Variants in SLC12A9 observed in about 807,000 individuals in gnomAD.
SLC12A9 encodes the protein solute carrier family 12 member 9.
Under a neutral mutation model 66.0 loss-of-function variants are expected in SLC12A9, and 55 were observed. That is an observed-to-expected ratio of 0.83 (90% confidence interval 0.67 to 1.04). The LOEUF (loss-of-function observed/expected upper bound fraction) is 1.04, where lower values mean the gene tolerates loss of function less well. Among genes scored for constraint, SLC12A9 ranks in the 50% least tolerant of loss-of-function variants. The pLI is 0.00. For missense variants in SLC12A9, 1,061 were observed against 1,241.9 expected (o/e 0.85, Z 2.19); for synonymous variants, 577 against 569.0 (o/e 1.01, Z -0.20).
intron 1 of SLC12A9, among the ~76,000 whole-genome samples, chr7:100,837,858 T>TG (rs1813696267): frequency 8.3e-6 from 1 of 120,930 alleles, no homozygotes; most frequent in East Asian, 2.0e-4. Context: ...TCAATTTTTT[T>TG]TTTTTTTTTT....
chr7:100,862,884 C>T lies in SLC12A9; in HGVS notation c.1858+57C>T, dbSNP rs541674670. 6.4e-5 allele frequency: 103 copies of T among 1,601,998 alleles called. No homozygotes were observed. The East Asian group carries it at 1.7e-3, about 26-fold the overall frequency. ...TTCCTCTGTGGCCACTTCAAATCTCCGCTCCCCTCCCCTAGAGAGTCAGCC... is the reference window on the plus strand; with the variant it reads ...TTCCTCTGTGGCCACTTCAAATCTCTGCTCCCCTCCCCTAGAGAGTCAGCC... On this transcript the variant is annotated intron_variant, in intron 13 of 13. Coordinates refer to ENST00000354161, the MANE Select transcript of SLC12A9 (RefSeq NM_020246.4).
chr7:100,832,926 C>T (rs1158958807), intron 1 of SLC12A9, among the ~76,000 whole-genome samples: 2 of 151,976 alleles, frequency 1.3e-5, no homozygotes, highest in Non-Finnish European at 2.9e-5. Context: ...CAGGCGTGTG[C>T]CACCATGCCT....
chr7:100,832,774 CTT>C (rs937017393), intron 1 of SLC12A9, among the ~76,000 whole-genome samples: 1 of 150,962 alleles, frequency 6.6e-6, no homozygotes, highest in East Asian at 1.9e-4. Context: ...GATTTTATAC[CTT>C]TTTTTTTCTT....
chr7:100,849,225 C>G (rs1204228535), upstream of SLC12A9, among the ~76,000 whole-genome samples: 1 of 151,774 alleles, frequency 6.6e-6, no homozygotes, highest in African/African-American at 2.4e-5. Flanking sequence ...CCGTGCCCAG[C>G]CTTCACTTCC....
rs1343104190 is a variant in SLC12A9 at position 100,861,650 on chromosome 7, T to C, written c.1536+66T>C. ...TCAAAGAACCCCCTCTCTCTTTGGC[T>C]GGAGTTGGTGCTCCCGTCCAGGAGG... On this transcript the variant is annotated intron_variant, in intron 11 of 13. Coordinates refer to ENST00000354161, the MANE Select transcript of SLC12A9 (RefSeq NM_020246.4). The surrounding 1 kb of genome is among the most constrained non-coding windows in gnomAD (Gnocchi z 5.3). The C allele has an allele frequency of 6.2e-7, 1 of 1,607,404 alleles. No homozygotes were observed. The highest frequency in any genetic ancestry group is 1.3e-5 in the African/African-American group (1 of 74,690).
chr7:100,863,646 C>T (rs948354393), intron 13 of SLC12A9, among the ~76,000 whole-genome samples: 4 of 152,298 alleles, frequency 2.6e-5, no homozygotes, highest in Non-Finnish European at 4.4e-5. Context: ...CAAAGGATGC[C>T]GGAGGCTGTG....
intron 1 of SLC12A9, among the ~76,000 whole-genome samples, chr7:100,841,843 A>G (rs1400820247): frequency 1.3e-5 from 2 of 152,196 alleles, no homozygotes; most frequent in East Asian, 3.8e-4. Context: ...ATTTCTCAGT[A>G]AAAAGGCACT....
At position 100,826,963 on chromosome 7, in the gene SLC12A9, C is replaced by CG. The variant is rs764115909; in HGVS notation, n.144_145insG. On this transcript the variant is annotated non_coding_transcript_exon_variant, in exon 1 of 2. Transcript: ENST00000461016. ...CAGGAGTGACGGGGTGCGCCCCCCCCCGCAAGGAAACTCACCTTCCAAAGC... is the reference window on the plus strand; with the variant it reads ...CAGGAGTGACGGGGTGCGCCCCCCCCGCGCAAGGAAACTCACCTTCCAAAGC... The CG allele has an allele frequency of 1.3e-5, 19 of 1,517,930 alleles. 1 individual carries two copies. The East Asian group carries it at 3.2e-4, about 26-fold the overall frequency. The allele number at this position is 1,517,930 out of a possible 1,614,324, so 94.0% of individuals were successfully genotyped here. A position where few individuals can be genotyped will look rare whatever the true frequency, so the allele number is the denominator to read the frequency against.
chr7:100,833,067 C>T (rs1463147672), intron 1 of SLC12A9, among the ~76,000 whole-genome samples: 1 of 152,166 alleles, frequency 6.6e-6, no homozygotes, highest in Admixed American at 6.5e-5. Context: ...TGATCCACTG[C>T]ACCTGGCCTG....
At chr7:100,834,651 G>T (rs924687280) in intron 1 of SLC12A9, among the ~76,000 whole-genome samples, 9 of 152,116 alleles carry the variant, frequency 5.9e-5, no homozygotes, top group Admixed American at 2.6e-4. Flanking sequence ...GGAGGACGCA[G>T]CTGGCAGATC....
Position 100,857,148 on chromosome 7 carries a change from C to T in SLC12A9, c.729C>T (p.Asn243=), listed in dbSNP as rs766663203. The change falls in exon 5 of 14, where the codon AAC becomes AAT. Residue 243 remains asparagine (N), a synonymous_variant. Transcript: ENST00000354161. ...GGTTTGGCCACTTCACCGGCTTCAACAGCAGTACCCTGAAGGACAACTTGG... is the reference window on the plus strand; with the variant it reads ...GGTTTGGCCACTTCACCGGCTTCAATAGCAGTACCCTGAAGGACAACTTGG... ...PPRFGHFTGF[N]SSTLKDNLGA... is the part of the protein sequence containing the mutation. 2.0e-5 allele frequency: 33 copies of T among 1,613,530 alleles called. No homozygotes were observed. The highest frequency in any genetic ancestry group is 2.0e-5 in the Non-Finnish European group (24 of 1,179,702).
In SLC12A9 at chr7:100,863,524, C is replaced by T. The variant is rs560039477; in HGVS notation, c.1858+697C>T. Among the ~76,000 whole-genome samples the T allele has an allele frequency of 7.2e-5, 11 of 152,316 alleles. No homozygotes were observed. In the South Asian group the frequency reaches 2.3e-3, roughly 32 times the overall value. On this transcript the variant is annotated intron_variant, in intron 13 of 13. Transcript: ENST00000354161. ...AGGAAGGCAGGCCAGCCACTATACA[C>T]TGATGTGGCCAGCAAAGGTTTTGCG...
rs1815025584 is a variant in SLC12A9, at chr7:100,865,565, C to T, written c.1859-154C>T. The stretch of plus-strand genomic sequence containing the variant: ...TTAGGAAAAATGAAAAGTCTTTATG[C>T]AAATATGCAGAATGTTGCCGTAAGA... On this transcript the variant is annotated intron_variant, in intron 13 of 13. Coordinates refer to ENST00000354161, the MANE Select transcript of SLC12A9 (RefSeq NM_020246.4). 7 of 1,584,090 alleles carry T rather than the reference C, an allele frequency of 4.4e-6. No homozygotes were observed. The South Asian group carries it at 8.0e-5, about 18-fold the overall frequency.
chr7:100,862,234 G>A (rs551469117), intron 12 of SLC12A9, among the ~76,000 whole-genome samples: 1 of 152,038 alleles, frequency 6.6e-6, no homozygotes, highest in Non-Finnish European at 1.5e-5. Flanking sequence ...TGGAATTGTA[G>A]GTGTGAGCCA....
chr7:100,856,014 C>A, intron 4 of SLC12A9, 177 bp downstream of exon 4: 2 of 979,878 alleles, frequency 2.0e-6, no homozygotes, highest in Non-Finnish European at 2.8e-6. Context: ...CTGAGATTGT[C>A]CTTGCCTGCA....
chr7:100,852,190 G>C (rs1294043747), upstream of SLC12A9, among the ~76,000 whole-genome samples: 1 of 152,230 alleles, frequency 6.6e-6, no homozygotes. Context: ...GGCCCAGATC[G>C]GCGGCCAATG....
intron 7 of SLC12A9, chr7:100,859,631 A>G: frequency 2.1e-6 from 1 of 476,896 alleles, no homozygotes; most frequent in Admixed American, 3.8e-5. Context: ...GGATTGCTTG[A>G]GTCCAAGAGG....
Position 100,845,596 on chromosome 7 carries a change from G to A in SLC12A9, n.229-14289G>A, listed in dbSNP as rs575286385. 3.9e-5 allele frequency among the ~76,000 whole-genome samples: 6 copies of A among 152,142 alleles called. No individual in the cohort carries two copies. In the East Asian group the frequency reaches 1.2e-3, roughly 29 times the overall value. On this transcript the variant is annotated intron_variant and non_coding_transcript_variant, in intron 1 of 1. Transcript: ENST00000461016. ...GATCTCCTGCCCTTGTGATCCACCC[G>A]CCTCGGCCTCCCAAAGTGCTGGGAT... is the stretch of plus-strand genomic sequence containing the variant.
In SLC12A9 at chr7:100,861,280, G is replaced by A. The variant is rs1376881305; in HGVS notation, c.1343+18G>A. 2.5e-6 allele frequency: 4 copies of A among 1,614,008 alleles called. No individual in the cohort carries two copies. The highest frequency in any genetic ancestry group is 3.3e-5 in the Admixed American group (2 of 60,008). On this transcript the variant is annotated intron_variant, in intron 10 of 13. Coordinates refer to ENST00000354161, the MANE Select transcript of SLC12A9 (RefSeq NM_020246.4). This position sits in a 1 kb window ranked among gnomAD's most constrained non-coding sequence, Gnocchi z 5.3. ...AACTTCCGGTGAGAGACTCAGATCT[G>A]TGTCCCCAGAGAGAAGAAGGGAGGA...
Sources: gnomAD v4.1 joint callset for allele counts (sites outside exome capture counted in the v4.1 genomes callset) on GRCh38, gnomAD v4.1.1 for gene constraint, Gnocchi (gnomAD v3.1) non-coding constraint, MANE v1.5 for transcripts, NCBI Gene and HGNC (gene_info 2026-07-23, HGNC 2026-07-21) for gene names.